Variants in HTR1F observed in about 807,000 individuals in gnomAD.
The protein encoded by HTR1F is 5-hydroxytryptamine receptor 1F, also known as 5-hydroxytryptamine (serotonin) receptor 1F, G protein-coupled.
Under a neutral mutation model 24.0 loss-of-function variants are expected in HTR1F, and 17 were observed. The observed-to-expected ratio is 0.71, with a 90% CI of 0.48 to 1.06. The LOEUF is 1.06. Ranked by LOEUF, HTR1F falls within the 50% of genes least tolerant of loss-of-function variation. The probability of loss-of-function intolerance (pLI) is 0.00; values close to 1 mark genes in which losing one functional copy is unlikely to be tolerated. For missense variants in HTR1F, 391 were observed against 427.8 expected (o/e 0.91, Z 0.76); for synonymous variants, 186 against 156.8 (o/e 1.19, Z -1.39).
intron 2 of HTR1F, among the ~76,000 whole-genome samples, chr3:87,831,029 T>A (rs1704562348): frequency 6.6e-6 from 1 of 152,174 alleles, no homozygotes; most frequent in Non-Finnish European, 1.5e-5. Context: ...CCTCTGAGTC[T>A]GACACTGAAT....
intron 2 of HTR1F, among the ~76,000 whole-genome samples, chr3:87,963,048 A>G (rs894666759): frequency 1.3e-5 from 2 of 152,076 alleles, no homozygotes; most frequent in African/African-American, 4.8e-5. Context: ...GATTAAAAAT[A>G]CTGATTTATA....
chr3:87,989,451 C>T (rs1705768849), intron 2 of HTR1F, among the ~76,000 whole-genome samples: 1 of 152,124 alleles, frequency 6.6e-6, no homozygotes, highest in Admixed American at 6.5e-5. Context: ...CTTATTCTAT[C>T]TTTTTAAACC....
chr3:87,918,456 A>T (rs1305580155), intron 2 of HTR1F, among the ~76,000 whole-genome samples: 2 of 152,102 alleles, frequency 1.3e-5, no homozygotes, highest in African/African-American at 4.8e-5. Flanking sequence ...TGATGATTTG[A>T]TCATTTACCT....
In HTR1F at chr3:87,911,619, C is replaced by T. The variant is rs72913758; in HGVS notation, c.-42-79089C>T. 4.5e-3 allele frequency among the ~76,000 whole-genome samples: 687 copies of T among 151,682 alleles called. 1 individual carries two copies. Among genetic ancestry groups the T allele is most frequent in the African/African-American group, 0.016 (664 of 41,430 alleles). ...CTAATACCAAAATGTGGCAGAGACA[C>T]AACAAAAAAGGCATTATCCTTGATG... On this transcript the variant is annotated intron_variant, in intron 2 of 2. Coordinates refer to ENST00000319595, the MANE Select transcript of HTR1F (RefSeq NM_001322209.2).
rs1705241651 is a variant in HTR1F at position 87,858,235 on chromosome 3, G to C, written c.-43+36111G>C. ...TTTACTGAGCAAAGGCATGTATAGAGCACTGTAAAATTTTATATAACTCAG... is the reference window on the plus strand; with the variant it reads ...TTTACTGAGCAAAGGCATGTATAGACCACTGTAAAATTTTATATAACTCAG... On this transcript the variant is annotated intron_variant, in intron 2 of 2. Coordinates refer to ENST00000319595, the MANE Select transcript of HTR1F (RefSeq NM_001322209.2). Among the ~76,000 whole-genome samples the C allele has an allele frequency of 1.3e-5, 2 of 152,120 alleles. 1 individual carries two copies. The highest frequency in any genetic ancestry group is 4.1e-4 in the South Asian group (2 of 4,822).
At chr3:87,879,764 GTAAAGTTTAGT>G (rs1329593821) in intron 2 of HTR1F, among the ~76,000 whole-genome samples, 3 of 151,856 alleles carry the variant, frequency 2.0e-5, no homozygotes, top group African/African-American at 4.8e-5. Flanking sequence ...ACATTAATTT[GTAAAGTTTAGT>G]TAAACAAGAT....
intron 2 of HTR1F, among the ~76,000 whole-genome samples, chr3:87,869,240 C>G (rs1447305027): frequency 6.6e-6 from 1 of 151,900 alleles, no homozygotes; most frequent in Non-Finnish European, 1.5e-5. Flanking sequence ...ATATGTCCAG[C>G]TAATTCAAAT....
chr3:87,806,274 A>G (rs1704071820), intron 1 of HTR1F, among the ~76,000 whole-genome samples: 1 of 151,944 alleles, frequency 6.6e-6, no homozygotes, highest in Non-Finnish European at 1.5e-5. Flanking sequence ...CTGGTAGTAG[A>G]GTTGCTGGAT....
chr3:87,884,646 T>A (rs1261541459), intron 2 of HTR1F, among the ~76,000 whole-genome samples: 3 of 151,688 alleles, frequency 2.0e-5, no homozygotes, highest in Non-Finnish European at 2.9e-5. Flanking sequence ...AATAAAGTGA[T>A]GGAGGAAGAT....
intron 2 of HTR1F, among the ~76,000 whole-genome samples, chr3:87,961,766 G>C (rs535636439): frequency 6.7e-6 from 1 of 149,718 alleles, no homozygotes; most frequent in Admixed American, 6.7e-5. Context: ...AAAATGGAAA[G>C]TAATGGAGGT....
At chr3:87,888,353 G>A (rs1413874835) in intron 2 of HTR1F, among the ~76,000 whole-genome samples, 3 of 152,040 alleles carry the variant, frequency 2.0e-5, no homozygotes, top group African/African-American at 7.2e-5. Context: ...AGCATTAGGA[G>A]AAATATCTAA....
chr3:87,912,903 T>C (rs1703811517), intron 2 of HTR1F, among the ~76,000 whole-genome samples: 2 of 152,266 alleles, frequency 1.3e-5, no homozygotes, highest in Middle Eastern at 3.4e-3. Context: ...AAATTGAAAT[T>C]GGACCCCTTC....
At chr3:87,973,282 C>T (rs1344861764) in intron 2 of HTR1F, among the ~76,000 whole-genome samples, 1 of 152,152 alleles carries the variant, frequency 6.6e-6, no homozygotes, top group Non-Finnish European at 1.5e-5. Flanking sequence ...AAAGAGCTTC[C>T]TTTCCATTCA....
chr3:87,853,249 AGT>A (rs927314846), intron 2 of HTR1F, among the ~76,000 whole-genome samples: 63 of 151,890 alleles, frequency 4.1e-4, no homozygotes, highest in African/African-American at 1.5e-3. Context: ...AGTAGGGCCC[AGT>A]GTGTGTTGTT....
chr3:87,820,237 CAG>C (rs1461211972), intron 1 of HTR1F, among the ~76,000 whole-genome samples: 5 of 140,368 alleles, frequency 3.6e-5, no homozygotes, highest in Non-Finnish European at 4.5e-5. Context: ...AGTGCAGTGG[CAG>C]GATCTCGGCT....
At chr3:87,895,494 A>G (rs1314578765) in intron 2 of HTR1F, among the ~76,000 whole-genome samples, 3 of 152,130 alleles carry the variant, frequency 2.0e-5, no homozygotes, top group Non-Finnish European at 2.9e-5. Context: ...TCTGTTGGGT[A>G]TTATATTATC....
chr3:87,819,567 C>T (rs1704314756), intron 1 of HTR1F, among the ~76,000 whole-genome samples: 1 of 151,610 alleles, frequency 6.6e-6, no homozygotes, highest in African/African-American at 2.4e-5. Flanking sequence ...TTATGCTATG[C>T]CTTTTTTAAA....
intron 2 of HTR1F, among the ~76,000 whole-genome samples, chr3:87,920,146 A>T (rs1576030937): frequency 6.6e-6 from 1 of 151,812 alleles, no homozygotes; most frequent in Non-Finnish European, 1.5e-5. Flanking sequence ...GAAGTAACTC[A>T]GGAATGGAAA....
chr3:87,919,887 G>C (rs1161242240), intron 2 of HTR1F, among the ~76,000 whole-genome samples: 1 of 151,714 alleles, frequency 6.6e-6, no homozygotes, highest in Admixed American at 6.6e-5. Flanking sequence ...CATAGGAAAG[G>C]GAGTCATTAC....
Sources: gnomAD v4.1 joint callset for allele counts (sites outside exome capture counted in the v4.1 genomes callset) on GRCh38, gnomAD v4.1.1 for gene constraint, MANE v1.5 for transcripts, NCBI Gene and HGNC (gene_info 2026-07-23, HGNC 2026-07-21) for gene names.